The following MIPOL1 variants were observed in gnomAD, a reference collection of about 807,000 sequenced individuals.
MIPOL1 encodes the protein mirror-image polydactyly 1.
Under a neutral mutation model 60.9 loss-of-function variants are expected in MIPOL1, and 57 were observed. The observed-to-expected ratio is 0.94, with a 90% CI of 0.76 to 1.17. The LOEUF (loss-of-function observed/expected upper bound fraction) is 1.17, where lower values mean the gene tolerates loss of function less well. MIPOL1 is among the 50% of genes most tolerant of loss of function. The pLI is 0.00. For missense variants in MIPOL1, 551 were observed against 511.6 expected (o/e 1.08, Z -0.74); for synonymous variants, 179 against 168.8 (o/e 1.06, Z -0.47).
intron 1 of MIPOL1, among the ~76,000 whole-genome samples, chr14:37,211,786 T>C (rs1346742997): frequency 6.6e-6 from 1 of 151,874 alleles, no homozygotes; most frequent in Non-Finnish European, 1.5e-5. Context: ...AACCCCAGGC[T>C]GCGTAGCTCC....
At chr14:37,356,153 G>C (rs2091799064) in intron 9 of MIPOL1, among the ~76,000 whole-genome samples, 1 of 151,396 alleles carries the variant, frequency 6.6e-6, no homozygotes, top group Non-Finnish European at 1.5e-5. Context: ...CAGGTCTGTT[G>C]GAATACCCTG....
At chr14:37,328,553 T>G (rs1371779594) in intron 9 of MIPOL1, among the ~76,000 whole-genome samples, 1 of 152,164 alleles carries the variant, frequency 6.6e-6, no homozygotes, top group East Asian at 1.9e-4. Context: ...AAACATATAG[T>G]TTTTAAATTA....
intron 11 of MIPOL1, among the ~76,000 whole-genome samples, chr14:37,487,363 G>C (rs1003817124): frequency 6.6e-6 from 1 of 152,174 alleles, no homozygotes; most frequent in African/African-American, 2.4e-5. Flanking sequence ...AAATGAGTTA[G>C]GGAAGATTCC....
chr14:37,312,972 T>C (rs976400635), intron 9 of MIPOL1, among the ~76,000 whole-genome samples: 1 of 152,202 alleles, frequency 6.6e-6, no homozygotes, highest in African/African-American at 2.4e-5. Context: ...AAGATTTTTA[T>C]AGAATTATAG....
chr14:37,235,071 G>A (rs187997414), intron 1 of MIPOL1, among the ~76,000 whole-genome samples: 40 of 151,848 alleles, frequency 2.6e-4, no homozygotes, highest in African/African-American at 7.7e-4. Flanking sequence ...GATTACAGGC[G>A]TGAGCCATTG....
At chr14:37,485,588 G>A (rs987069994) in intron 11 of MIPOL1, among the ~76,000 whole-genome samples, 1 of 152,144 alleles carries the variant, frequency 6.6e-6, no homozygotes, top group Non-Finnish European at 1.5e-5. Context: ...GACCAGTGAT[G>A]ATGAGATTTT....
At chr14:37,356,912 C>T (rs571597646) in intron 9 of MIPOL1, among the ~76,000 whole-genome samples, 39 of 152,266 alleles carry the variant, frequency 2.6e-4, no homozygotes, top group Non-Finnish European at 4.0e-4. Flanking sequence ...TGTTTCTATT[C>T]GGCCATCTTG....
In MIPOL1 at chr14:37,298,446, C is replaced by T. The variant is rs528620586; in HGVS notation, c.624-9610C>T. ...CAATGGCAACAAAAGCCAAAATTGA[C>T]AAATGGGATCTAATTAAATGAAAGA... On this transcript the variant is annotated intron_variant, in intron 7 of 12. Transcript: ENST00000684589. 3.9e-5 allele frequency among the ~76,000 whole-genome samples: 6 copies of T among 152,246 alleles called. No homozygotes were observed. The South Asian group carries it at 1.2e-3, about 32-fold the overall frequency.
intron 10 of MIPOL1, among the ~76,000 whole-genome samples, chr14:37,397,774 C>A (rs1372156262): frequency 6.6e-6 from 1 of 152,102 alleles, no homozygotes; most frequent in African/African-American, 2.4e-5. Context: ...AGTCACAGGC[C>A]TCACCCAGCT....
chr14:37,287,985 T>C (rs1445481270), intron 7 of MIPOL1, among the ~76,000 whole-genome samples: 2 of 152,182 alleles, frequency 1.3e-5, no homozygotes, highest in East Asian at 3.9e-4. Flanking sequence ...CAGGTATGAA[T>C]TGACCTTAAA....
At chr14:37,426,594 T>TATATATATATATATATATATATATAC (rs1447990257) in intron 11 of MIPOL1, among the ~76,000 whole-genome samples, 6 of 125,414 alleles carry the variant, frequency 4.8e-5, no homozygotes, top group African/African-American at 1.2e-4. Context: ...TATATATATA[T>TATATATATATATATATATATATATAC]ACACACACAC....
chr14:37,257,713 T>C (rs2153372222), intron 3 of MIPOL1, among the ~76,000 whole-genome samples: 1 of 152,208 alleles, frequency 6.6e-6, no homozygotes, highest in Admixed American at 6.6e-5. Flanking sequence ...ACTCATTCAG[T>C]CAGCGCTGTG....
At chr14:37,208,628 A>G (rs976116421) in intron 1 of MIPOL1, among the ~76,000 whole-genome samples, 3 of 152,110 alleles carry the variant, frequency 2.0e-5, no homozygotes, top group African/African-American at 7.2e-5. Context: ...GGGTCTCACT[A>G]TGTCACCCAG....
chr14:37,544,835 T>C (rs1356966188), intron 12 of MIPOL1, among the ~76,000 whole-genome samples: 5 of 152,224 alleles, frequency 3.3e-5, no homozygotes, highest in Non-Finnish European at 7.3e-5. Context: ...ACATGATATT[T>C]AACTATTTCC....
intron 9 of MIPOL1, among the ~76,000 whole-genome samples, chr14:37,344,610 A>T (rs2090811655): frequency 6.6e-6 from 1 of 152,152 alleles, no homozygotes; most frequent in Non-Finnish European, 1.5e-5. Context: ...ATCTGTTACT[A>T]TACTAATAAT....
At chr14:37,307,993 G>A (rs947614610) in intron 7 of MIPOL1, 63 bp from the exon 8 acceptor site, 35 of 1,373,796 alleles carry the variant, frequency 2.5e-5, no homozygotes, top group East Asian at 9.3e-5. Context: ...TTTAAAAAGC[G>A]AACTCATTTT....
chr14:37,208,923 A>G (rs1016954763), intron 1 of MIPOL1, among the ~76,000 whole-genome samples: 1 of 152,192 alleles, frequency 6.6e-6, no homozygotes, highest in African/African-American at 2.4e-5. Context: ...ATCATTATGC[A>G]AAATCATAGT....
chr14:37,419,318 C>T (rs959589391), intron 10 of MIPOL1, among the ~76,000 whole-genome samples: 4 of 152,218 alleles, frequency 2.6e-5, no homozygotes, highest in Non-Finnish European at 5.9e-5. Flanking sequence ...ACAAAAATCA[C>T]ATCACTGATT....
rs533510500 is a variant in MIPOL1, at chr14:37,485,394, T to C, written c.1032-14514T>C. Among the ~76,000 whole-genome samples the C allele has an allele frequency of 5.3e-5, 8 of 152,338 alleles. No homozygotes were observed. In the East Asian group the frequency reaches 5.8e-4, roughly 11 times the overall value. On this transcript the variant is annotated intron_variant, in intron 11 of 12. Transcript: ENST00000684589. ...AATGCTATTTCTGGTTCTAGATCCT[T>C]GAGGAATTGCTACACTGTCTTCCAC...
Sources: allele counts gnomAD v4.1 joint callset (sites outside exome capture counted in the v4.1 genomes callset), GRCh38; gene constraint gnomAD v4.1.1; transcripts MANE v1.5; gene names NCBI Gene and HGNC (gene_info 2026-07-23, HGNC 2026-07-21).